Variants in ANO5 observed in about 807,000 individuals in gnomAD.
ANO5 encodes anoctamin 5, also known as anoctamin-5.
Under a neutral mutation model 121.0 loss-of-function variants are expected in ANO5, and 109 were observed. That is an observed-to-expected ratio of 0.90 (90% confidence interval 0.77 to 1.06). The LOEUF is 1.06. ANO5 is among the 50% of genes least tolerant of loss of function. ANO5 has a pLI of 0.00. For missense variants in ANO5, 1,064 were observed against 1,078.5 expected, an observed-to-expected ratio of 0.99 and a Z score of 0.19; for synonymous variants, 406 against 359.9, an observed-to-expected ratio of 1.13 and a Z score of -1.45.
At position 22,211,248 on chromosome 11, in the gene ANO5, C is replaced by T. The variant is rs745357713; in HGVS notation, c.88-16C>T. On this transcript the variant is annotated splice_polypyrimidine_tract_variant and intron_variant, in intron 2 of 21. Transcript: ENST00000324559. ...ACTATTAATAATAGCATTATATCTT[C>T]CCCTGGTACTGTTAGCAGAGCCTGA... 1.2e-6 allele frequency: 2 copies of T among 1,611,362 alleles called. No homozygotes were observed. The highest frequency in any genetic ancestry group is 1.1e-5 in the South Asian group (1 of 91,034).
At chr11:22,193,614 G>C in intron 1 of ANO5, 82 bp downstream of exon 1, 2 of 1,525,192 alleles carry the variant, frequency 1.3e-6, no homozygotes, top group Non-Finnish European at 1.8e-6. Context: ...GGCCCCGGGG[G>C]ACGTTGGCGG....
At chr11:22,239,707 G>C in intron 9 of ANO5, 23 bp downstream of exon 9, 1 of 1,527,254 alleles carries the variant, frequency 6.5e-7, no homozygotes, top group Non-Finnish European at 9.1e-7. Flanking sequence ...CACAGGATCA[G>C]ACCAATTAAA....
intron 1 of ANO5, among the ~76,000 whole-genome samples, chr11:22,195,431 T>A (rs1851779209): frequency 2.0e-5 from 3 of 152,018 alleles, no homozygotes; most frequent in Non-Finnish European, 2.9e-5. Flanking sequence ...TTATTTTTTT[T>A]TTTTTTTTAT....
At chr11:22,223,449 G>T (rs1305137654) in intron 5 of ANO5, among the ~76,000 whole-genome samples, 1 of 151,968 alleles carries the variant, frequency 6.6e-6, no homozygotes, top group African/African-American at 2.4e-5. Context: ...TTTATTAGGG[G>T]CTGGTTACCT....
At chr11:22,257,640 G>T (rs765860216) in intron 13 of ANO5, 40 bp from the exon 14 acceptor site, 6 of 1,510,016 alleles carry the variant, frequency 4.0e-6, no homozygotes, top group Non-Finnish European at 4.6e-6. Context: ...GACTTAGAGG[G>T]GAGATTTTGA....
intron 21 of ANO5, among the ~76,000 whole-genome samples, chr11:22,278,576 G>A (rs1326628431): frequency 1.4e-5 from 2 of 143,002 alleles, no homozygotes; most frequent in South Asian, 2.2e-4. Context: ...CTACATATTT[G>A]GTGGTTCTGC....
intron 18 of ANO5, 42 bp from the exon 19 acceptor site, chr11:22,272,742 C>A (rs959747740): frequency 1.3e-6 from 2 of 1,574,472 alleles, no homozygotes; most frequent in Non-Finnish European, 1.7e-6. Flanking sequence ...CTGTCTTTCT[C>A]CTTCACAATA....
chr11:22,219,001 ATATT>A (rs1347267257), intron 4 of ANO5, among the ~76,000 whole-genome samples: 2 of 152,112 alleles, frequency 1.3e-5, no homozygotes, highest in Non-Finnish European at 2.9e-5. Context: ...GCTACAAAAT[ATATT>A]TATATTATGT....
chr11:22,245,578 C>A (rs1053891476), intron 9 of ANO5, among the ~76,000 whole-genome samples: 2 of 151,970 alleles, frequency 1.3e-5, no homozygotes, highest in African/African-American at 4.8e-5. Context: ...TATTCAATTT[C>A]ATGTTATTTG....
intron 20 of ANO5, among the ~76,000 whole-genome samples, chr11:22,275,777 G>T (rs1438420304): frequency 6.6e-6 from 1 of 151,790 alleles, no homozygotes; most frequent in Non-Finnish European, 1.5e-5. Context: ...AGGACTGGGA[G>T]TGTTAAGGAA....
At chr11:22,273,874 C>A (rs1163276487) in intron 19 of ANO5, among the ~76,000 whole-genome samples, 2 of 151,880 alleles carry the variant, frequency 1.3e-5, no homozygotes, top group Non-Finnish European at 2.9e-5. Flanking sequence ...CAAAAATTGC[C>A]AGATCTATTC....
chr11:22,198,972 A>G (rs1851887377), intron 1 of ANO5, among the ~76,000 whole-genome samples: 1 of 152,202 alleles, frequency 6.6e-6, no homozygotes, highest in African/African-American at 2.4e-5. Context: ...CCCATTGATG[A>G]TAATACTGCA....
chr11:22,243,985 A>T (rs1039639448), intron 9 of ANO5, among the ~76,000 whole-genome samples: 1 of 151,992 alleles, frequency 6.6e-6, no homozygotes, highest in Admixed American at 6.6e-5. Flanking sequence ...TTGATTGTAT[A>T]GTCTCTTTAT....
chr11:22,214,757 G>A (rs935748912), intron 3 of ANO5, among the ~76,000 whole-genome samples: 2 of 151,882 alleles, frequency 1.3e-5, no homozygotes, highest in African/African-American at 4.8e-5. Context: ...ACCTGCACAG[G>A]ACAAAAAGCA....
chr11:22,217,839 AACTGG>A (rs1315789424), intron 3 of ANO5, among the ~76,000 whole-genome samples: 3 of 152,044 alleles, frequency 2.0e-5, no homozygotes, highest in African/African-American at 7.2e-5. Context: ...TATGCTTAAT[AACTGG>A]GTGATGAAAT....
At chr11:22,229,100 G>A (rs1852947661) in intron 7 of ANO5, among the ~76,000 whole-genome samples, 1 of 151,692 alleles carries the variant, frequency 6.6e-6, no homozygotes, top group Admixed American at 6.6e-5. Flanking sequence ...CTCATCTGTA[G>A]TGTGTAAGAC....
intron 5 of ANO5, among the ~76,000 whole-genome samples, chr11:22,223,545 A>G (rs1445034181): frequency 6.6e-6 from 1 of 151,964 alleles, no homozygotes; most frequent in Non-Finnish European, 1.5e-5. Context: ...GTTTGTAAAA[A>G]CAGTATAGGC....
intron 19 of ANO5, among the ~76,000 whole-genome samples, chr11:22,274,163 TACACACACACACACACAC>T (rs34022294): frequency 7.0e-6 from 1 of 143,748 alleles, no homozygotes; most frequent in African/African-American, 2.6e-5. Flanking sequence ...GTTAATCTCT[TACACACACACACACACAC>T]ACACACACAC....
chr11:22,194,338 AC>A (rs1201179948), intron 1 of ANO5, among the ~76,000 whole-genome samples: 1 of 152,236 alleles, frequency 6.6e-6, no homozygotes, highest in Non-Finnish European at 1.5e-5. Context: ...AAACACAGAA[AC>A]AGTTTTCCAA....
Sources: allele counts gnomAD v4.1 joint callset (sites outside exome capture counted in the v4.1 genomes callset), GRCh38; gene constraint gnomAD v4.1.1; transcripts MANE v1.5; gene names NCBI Gene and HGNC (gene_info 2026-07-23, HGNC 2026-07-21).